Variants in NUP37 observed in about 807,000 individuals in gnomAD.
The protein encoded by NUP37 is nucleoporin 37.
In NUP37, 33 loss-of-function variants were observed where a neutral mutation model predicts 45.4. The ratio of observed to expected loss-of-function variants is 0.73; its 90% CI spans 0.55 to 0.97. The LOEUF is 0.97. NUP37 is among the 50% of genes least tolerant of loss of function. The pLI is 0.00. For synonymous variants in NUP37, 127 were observed against 130.7 expected (o/e 0.97, Z 0.19); for missense variants, 365 against 389.7 (o/e 0.94, Z 0.53).
intron 6 of NUP37, among the ~76,000 whole-genome samples, chr12:102,082,842 G>A (rs934959332): frequency 1.3e-5 from 2 of 152,150 alleles, no homozygotes; most frequent in Non-Finnish European, 2.9e-5. Context: ...GAAAAGAAAG[G>A]GGGAGAATGC....
intron 6 of NUP37, among the ~76,000 whole-genome samples, chr12:102,081,285 T>G (rs1282491567): frequency 1.3e-5 from 2 of 152,264 alleles, no homozygotes; most frequent in Admixed American, 6.5e-5. Flanking sequence ...TGTTATTTAC[T>G]GTCTGTATAA....
intron 3 of NUP37, among the ~76,000 whole-genome samples, chr12:102,101,927 G>A (rs867764382): frequency 2.0e-5 from 3 of 151,954 alleles, no homozygotes; most frequent in African/African-American, 7.3e-5. Flanking sequence ...GTTTCACCAC[G>A]TTGGCCAGGC....
rs768691385 is a variant in NUP37 at position 102,088,703 on chromosome 12, A to AT, written c.450-2848dup. Among the ~76,000 whole-genome samples, 472 of 109,012 alleles carry AT rather than the reference A, an allele frequency of 4.3e-3. 2 individuals are homozygous for AT. The highest frequency in any genetic ancestry group is 8.6e-3 in the African/African-American group (250 of 29,200). The allele number at this position is 109,012 out of a possible 152,430, so 71.5% of individuals were successfully genotyped here. The stretch of plus-strand genomic sequence containing the variant: ...GTAATTTGTTTTTGTTTTTGTTTTA[A>AT]TTTTTTTTTTTTTTTTTTTTAGTAT... On this transcript the variant is annotated intron_variant, in intron 5 of 9. Coordinates refer to ENST00000552283, the MANE Select transcript of NUP37 (RefSeq NM_024057.4).
intron 3 of NUP37, among the ~76,000 whole-genome samples, chr12:102,104,609 T>C (rs998308140): frequency 2.0e-5 from 3 of 152,192 alleles, no homozygotes; most frequent in Non-Finnish European, 1.5e-5. Flanking sequence ...TCAGGTCTTA[T>C]GTTTAGGTCC....
At chr12:102,079,924 G>A (rs565910697) in intron 6 of NUP37, among the ~76,000 whole-genome samples, 1 of 152,254 alleles carries the variant, frequency 6.6e-6, no homozygotes, top group Admixed American at 6.5e-5. Flanking sequence ...TGCTCCCTGC[G>A]TATGTCTGTG....
chr12:102,112,909 TAATA>T (rs1880358969), intron 2 of NUP37, among the ~76,000 whole-genome samples: 1 of 152,334 alleles, frequency 6.6e-6, no homozygotes, highest in Non-Finnish European at 1.5e-5. Context: ...AGTGAATATG[TAATA>T]AATAATCTGG....
intron 6 of NUP37, 140 bp downstream of exon 6, chr12:102,085,626 A>T (rs1441292152): frequency 2.2e-6 from 1 of 452,606 alleles, no homozygotes; most frequent in Non-Finnish European, 4.0e-6. Context: ...ACAGGTTTCT[A>T]GACTAATCCA....
chr12:102,114,371 T>C (rs866273080), intron 2 of NUP37, among the ~76,000 whole-genome samples: 1 of 152,204 alleles, frequency 6.6e-6, no homozygotes, highest in African/African-American at 2.4e-5. Context: ...CTGTACAGCC[T>C]GGGCTTTTTG....
chr12:102,088,790 T>C (rs1879551476), intron 5 of NUP37, among the ~76,000 whole-genome samples: 1 of 150,644 alleles, frequency 6.6e-6, no homozygotes, highest in African/African-American at 2.4e-5. Flanking sequence ...AGGATAATAG[T>C]GGAGAGAAGG....
chr12:102,110,664 A>C (rs888729558), intron 3 of NUP37, among the ~76,000 whole-genome samples: 9 of 152,268 alleles, frequency 5.9e-5, no homozygotes, highest in African/African-American at 2.2e-4. Flanking sequence ...GCAACAGGCA[A>C]ATCCCTGTCC....
chr12:102,091,970 A>T (rs1279107945), intron 5 of NUP37, among the ~76,000 whole-genome samples: 1 of 152,190 alleles, frequency 6.6e-6, no homozygotes, highest in African/African-American at 2.4e-5. Context: ...TTTAAATGTT[A>T]TTGTCCCAAT....
intron 1 of NUP37, among the ~76,000 whole-genome samples, 175 bp from the exon 2 acceptor site, chr12:102,118,758 C>T (rs890890792): frequency 1.1e-4 from 16 of 152,186 alleles, no homozygotes; most frequent in Admixed American, 9.8e-4. Context: ...ATTAATGGTT[C>T]CACATTTGCT....
chr12:102,074,947 A>C, intron 9 of NUP37, 54 bp downstream of exon 9: 1 of 1,202,758 alleles, frequency 8.3e-7, no homozygotes, highest in Non-Finnish European at 1.2e-6. Context: ...AAAAGTCAAA[A>C]ACACAAATTA....
At chr12:102,096,684 GAATA>G (rs1361322620) in intron 5 of NUP37, among the ~76,000 whole-genome samples, 19 of 152,084 alleles carry the variant, frequency 1.2e-4, no homozygotes, top group African/African-American at 4.6e-4. Flanking sequence ...GATAATGTAA[GAATA>G]TATATGTGAT....
intron 3 of NUP37, among the ~76,000 whole-genome samples, chr12:102,103,718 T>C (rs1454730056): frequency 1.3e-5 from 2 of 152,184 alleles, no homozygotes; most frequent in South Asian, 4.1e-4. Context: ...ATGTTCAACA[T>C]ATGCAAATAA....
At chr12:102,117,198 T>C (rs1349421262) in intron 2 of NUP37, among the ~76,000 whole-genome samples, 2 of 152,162 alleles carry the variant, frequency 1.3e-5, no homozygotes, top group African/African-American at 2.4e-5. Context: ...CTCACACCTG[T>C]AATCCCAGCA....
At chr12:102,078,440 A>C (rs1879244243) in intron 6 of NUP37, among the ~76,000 whole-genome samples, 1 of 152,218 alleles carries the variant, frequency 6.6e-6, no homozygotes, top group South Asian at 2.1e-4. Flanking sequence ...CTTTTAAGTT[A>C]TGTTAGTTAT....
intron 2 of NUP37, among the ~76,000 whole-genome samples, chr12:102,117,286 C>T (rs934184461): frequency 6.6e-6 from 1 of 151,588 alleles, no homozygotes; most frequent in Admixed American, 6.6e-5. Context: ...AAACCCCCTA[C>T]TAAAAATACA....
At chr12:102,101,133 A>G (rs1305167690) in intron 3 of NUP37, 29 bp from the exon 4 acceptor site, 4 of 1,397,008 alleles carry the variant, frequency 2.9e-6, no homozygotes, top group African/African-American at 1.4e-5. Context: ...AAATATACCA[A>G]TTTTTAGCCT....
Sources: allele counts gnomAD v4.1 joint callset (sites outside exome capture counted in the v4.1 genomes callset), GRCh38; gene constraint gnomAD v4.1.1; transcripts MANE v1.5; gene names NCBI Gene and HGNC (gene_info 2026-07-23, HGNC 2026-07-21).